AFTPH: variants seen among roughly 807,000 people sequenced by gnomAD.
AFTPH encodes aftiphilin protein.
AFTPH carries 7 observed loss-of-function variants against 72.5 expected under a neutral mutation model. That is an observed-to-expected ratio of 0.10 (90% CI 0.05 to 0.18). AFTPH has a LOEUF of 0.18. Ranked by LOEUF, AFTPH falls within the 10% of genes least tolerant of loss-of-function variation. AFTPH has a pLI of 1.00. For synonymous variants in AFTPH, 337 were observed against 370.1 expected (o/e 0.91, Z 1.03); for missense variants, 979 against 1,060.5 (o/e 0.92, Z 1.07).
At chr2:64,583,709 T>C (rs552571162) in intron 7 of AFTPH, among the ~76,000 whole-genome samples, 45 of 152,268 alleles carry the variant, frequency 3.0e-4, no homozygotes, top group African/African-American at 1.0e-3. Flanking sequence ...CATATTCTTA[T>C]TACAGGAACA....
At chr2:64,584,279 A>G (rs1051199777) in intron 7 of AFTPH, among the ~76,000 whole-genome samples, 1 of 152,112 alleles carries the variant, frequency 6.6e-6, no homozygotes, top group African/African-American at 2.4e-5. Context: ...TCATTGCTAT[A>G]AATCTGTATT....
At chr2:64,580,338 A>C (rs544943593) in intron 7 of AFTPH, 2 of 152,808 alleles carry the variant, frequency 1.3e-5, no homozygotes, top group Non-Finnish European at 2.9e-5. Flanking sequence ...CCATTGTAAA[A>C]AAACACTATC....
At chr2:64,541,533 A>G (rs1035806393) in intron 1 of AFTPH, among the ~76,000 whole-genome samples, 5 of 152,208 alleles carry the variant, frequency 3.3e-5, no homozygotes, top group Non-Finnish European at 7.4e-5. Context: ...TTGAAAACCA[A>G]AAAGTTAACT....
chr2:64,590,212 T>C (rs1224324084), intron 8 of AFTPH, among the ~76,000 whole-genome samples: 1 of 152,228 alleles, frequency 6.6e-6, no homozygotes, highest in Non-Finnish European at 1.5e-5. Context: ...GTTTTCTTAT[T>C]AACAGTAGCT....
intron 7 of AFTPH, among the ~76,000 whole-genome samples, chr2:64,582,658 T>C (rs1417007919): frequency 6.6e-6 from 1 of 152,234 alleles, no homozygotes; most frequent in African/African-American, 2.4e-5. Context: ...CATGTATATC[T>C]TTTTGTTACT....
intron 1 of AFTPH, among the ~76,000 whole-genome samples, chr2:64,525,322 G>A (rs1179859895): frequency 6.6e-6 from 1 of 152,210 alleles, no homozygotes; most frequent in Non-Finnish European, 1.5e-5. Context: ...AGTGAGGGGT[G>A]GTAGGGTCCT....
chr2:64,542,192 G>A (rs550421151), intron 1 of AFTPH, among the ~76,000 whole-genome samples: 6 of 152,196 alleles, frequency 3.9e-5, no homozygotes, highest in African/African-American at 1.4e-4. Flanking sequence ...AAGAACTCTC[G>A]ATGTTTGATT....
At chr2:64,526,234 A>G (rs958824883) in intron 1 of AFTPH, among the ~76,000 whole-genome samples, 1 of 152,264 alleles carries the variant, frequency 6.6e-6, no homozygotes, top group Non-Finnish European at 1.5e-5. Context: ...ATCATAAAAC[A>G]TCATTTTACA....
chr2:64,573,088 T>C lies in AFTPH; in HGVS notation c.2394+20T>C. On this transcript the variant is annotated intron_variant, in intron 6 of 8. Coordinates refer to ENST00000238856, the Ensembl canonical transcript of AFTPH. ...TTCCAGGTAAAAATATCTATATGTG[T>C]ATAAATATGTTTATGCGTGTATATA... 4 of 1,588,804 alleles carry C rather than the reference T, an allele frequency of 2.5e-6. No homozygotes were observed. Among genetic ancestry groups the C allele is most frequent in the Non-Finnish European group, 3.5e-6 (4 of 1,157,198 alleles).
chr2:64,569,233 A>G lies in AFTPH; in HGVS notation c.2214+15A>G. On this transcript the variant is annotated intron_variant, in intron 4 of 8. Coordinates refer to ENST00000238856, the Ensembl canonical transcript of AFTPH. ...CCCGAAACATTGTGAGTTTGTTAGT[A>G]CCTTGAAAAATCTTTTAATCAACCT... 1 of 1,597,964 alleles carries G rather than the reference A, an allele frequency of 6.3e-7. No homozygotes were observed. Among genetic ancestry groups the G allele is most frequent in the Admixed American group, 1.7e-5 (1 of 57,932 alleles).
intron 2 of AFTPH, among the ~76,000 whole-genome samples, chr2:64,559,938 A>G (rs535540730): frequency 1.3e-5 from 2 of 152,150 alleles, no homozygotes; most frequent in African/African-American, 2.4e-5. Context: ...TCCTGGGCTC[A>G]AGCAATCTGC....
intron 1 of AFTPH, among the ~76,000 whole-genome samples, chr2:64,535,841 G>A (rs1669854102): frequency 6.6e-6 from 1 of 152,228 alleles, no homozygotes; most frequent in Admixed American, 6.5e-5. Context: ...GGAACAAAGA[G>A]GGAGTATCTT....
At chr2:64,536,226 T>C (rs1669877215) in intron 1 of AFTPH, among the ~76,000 whole-genome samples, 1 of 152,040 alleles carries the variant, frequency 6.6e-6, no homozygotes, top group Non-Finnish European at 1.5e-5. Context: ...TTGAGCATTA[T>C]GAACAGATAA....
At chr2:64,537,446 A>T (rs1669958983) in intron 1 of AFTPH, among the ~76,000 whole-genome samples, 1 of 152,212 alleles carries the variant, frequency 6.6e-6, no homozygotes, top group Admixed American at 6.5e-5. Flanking sequence ...AAAATTAAAA[A>T]TTTTAAAAAG....
At chr2:64,566,011 C>T (rs1458921945) in intron 2 of AFTPH, among the ~76,000 whole-genome samples, 1 of 152,148 alleles carries the variant, frequency 6.6e-6, no homozygotes, top group Non-Finnish European at 1.5e-5. Context: ...AAAAAGATAA[C>T]AAAGAGGATA....
At chr2:64,568,360 G>A (rs574877866) in intron 3 of AFTPH, among the ~76,000 whole-genome samples, 60 of 151,738 alleles carry the variant, frequency 4.0e-4, no homozygotes, top group African/African-American at 1.4e-3. Context: ...TTTCATTAAT[G>A]TTTCCCTACC....
chr2:64,544,737 C>T (rs1019210886), intron 1 of AFTPH, among the ~76,000 whole-genome samples: 1 of 152,038 alleles, frequency 6.6e-6, no homozygotes, highest in Non-Finnish European at 1.5e-5. Flanking sequence ...GGCCTAGACA[C>T]AGGAATTTTC....
At chr2:64,586,127 G>A (rs541370364) in intron 8 of AFTPH, among the ~76,000 whole-genome samples, 3 of 152,290 alleles carry the variant, frequency 2.0e-5, no homozygotes, top group East Asian at 3.9e-4. Context: ...ATGTGTTTGC[G>A]ATTCAGAGAA....
intron 2 of AFTPH, among the ~76,000 whole-genome samples, chr2:64,554,473 C>A (rs1671240802): frequency 6.6e-6 from 1 of 152,174 alleles, no homozygotes; most frequent in Non-Finnish European, 1.5e-5. Flanking sequence ...AACTTTATTT[C>A]TCCAGTTATC....
Sources: allele counts gnomAD v4.1 joint callset (sites outside exome capture counted in the v4.1 genomes callset), GRCh38; gene constraint gnomAD v4.1.1; transcripts MANE v1.5; gene names NCBI Gene and HGNC (gene_info 2026-07-23, HGNC 2026-07-21).